Variants in IMMP2L observed in about 807,000 individuals in gnomAD.
IMMP2L encodes the protein mitochondrial inner membrane protease subunit 2.
In IMMP2L, 18 loss-of-function variants were observed where a neutral mutation model predicts 19.3. The observed-to-expected ratio is 0.93, with a 90% confidence interval of 0.64 to 1.38. The LOEUF (loss-of-function observed/expected upper bound fraction) is 1.38. IMMP2L is among the 40% of genes most tolerant of loss of function. The pLI is 0.00. For synonymous variants in IMMP2L, 76 were observed against 73.0 expected, an observed-to-expected ratio of 1.04 and a Z score of -0.21; for missense variants, 233 against 218.2, an observed-to-expected ratio of 1.07 and a Z score of -0.43.
chr7:111,048,498 T>C (rs186505120), intron 3 of IMMP2L, among the ~76,000 whole-genome samples: 4 of 152,128 alleles, frequency 2.6e-5, no homozygotes, highest in African/African-American at 9.6e-5. Flanking sequence ...TCTATTCTGT[T>C]TTCCCACTGA....
intron 3 of IMMP2L, among the ~76,000 whole-genome samples, chr7:111,380,931 A>G (rs1831140601): frequency 6.6e-6 from 1 of 151,294 alleles, no homozygotes; most frequent in East Asian, 1.9e-4. Context: ...TTCTAAGTGA[A>G]AAATATCAGG....
intron 5 of IMMP2L, among the ~76,000 whole-genome samples, chr7:110,830,979 C>T (rs531646257): frequency 6.4e-4 from 98 of 152,296 alleles, no homozygotes; most frequent in African/African-American, 2.2e-3. Context: ...GAACTGGCTG[C>T]TCTGGGTTTC....
intron 2 of IMMP2L, among the ~76,000 whole-genome samples, chr7:111,499,672 A>G (rs1034203735): frequency 7.9e-5 from 12 of 152,192 alleles, no homozygotes; most frequent in Admixed American, 2.0e-4. Flanking sequence ...ATCCAGCAGC[A>G]TGTGTTGTCA....
intron 3 of IMMP2L, among the ~76,000 whole-genome samples, chr7:111,418,950 C>T (rs1239458028): frequency 6.6e-6 from 1 of 151,668 alleles, no homozygotes; most frequent in African/African-American, 2.4e-5. Flanking sequence ...ATTAAGCCAT[C>T]CTTCAATAAA....
intron 3 of IMMP2L, among the ~76,000 whole-genome samples, chr7:111,423,042 C>A (rs1001265389): frequency 1.3e-5 from 2 of 151,822 alleles, no homozygotes; most frequent in East Asian, 3.9e-4. Context: ...ATATATTGAA[C>A]CAGCCTTGCA....
At chr7:111,091,177 A>G (rs1796821803) in intron 3 of IMMP2L, 3 of 152,292 alleles carry the variant, frequency 2.0e-5, no homozygotes, top group Non-Finnish European at 4.4e-5. Flanking sequence ...CCACCATGGA[A>G]ACAAGGAAAA....
At chr7:111,378,971 T>TAAGA (rs1167862723) in intron 3 of IMMP2L, among the ~76,000 whole-genome samples, 2 of 151,802 alleles carry the variant, frequency 1.3e-5, no homozygotes, top group Admixed American at 6.6e-5. Flanking sequence ...ATTTGAAACA[T>TAAGA]ATAATAACCA....
At chr7:110,890,015 C>A (rs946068075) in intron 4 of IMMP2L, among the ~76,000 whole-genome samples, 13 of 152,190 alleles carry the variant, frequency 8.5e-5, no homozygotes, top group African/African-American at 3.1e-4. Context: ...CTTCCTTTGT[C>A]CATTATTTTC....
rs193113025 is a variant in IMMP2L, at chr7:111,478,384, T to C, written c.239+8854A>G. The stretch of plus-strand genomic sequence containing the variant: ...ACCTTTTCATCACTTTAAAAAAATA[T>C]TGATCATAATTTTTTTCTGTTTTTG... On this transcript the variant is annotated intron_variant, in intron 3 of 5. Transcript: ENST00000405709. Among the ~76,000 whole-genome samples the C allele has an allele frequency of 1.9e-3, 285 of 152,216 alleles. 1 individual carries two copies. Among genetic ancestry groups the C allele is most frequent in the African/African-American group, 6.6e-3 (275 of 41,556 alleles).
intron 3 of IMMP2L, among the ~76,000 whole-genome samples, chr7:111,013,098 G>C (rs1192951216): frequency 6.6e-6 from 1 of 151,938 alleles, no homozygotes; most frequent in Non-Finnish European, 1.5e-5. Context: ...CAAGGAGAGA[G>C]GGCCTTAGAA....
chr7:110,907,566 A>C (rs1257178749), intron 4 of IMMP2L, among the ~76,000 whole-genome samples: 1 of 152,084 alleles, frequency 6.6e-6, no homozygotes. Context: ...ACAGGATGTA[A>C]GTTCTCACTT....
chr7:110,733,747 T>A (rs1373578989), intron 5 of IMMP2L, among the ~76,000 whole-genome samples: 2 of 152,080 alleles, frequency 1.3e-5, no homozygotes, highest in African/African-American at 4.8e-5. Flanking sequence ...AGGGGATTAG[T>A]GTACTTAGAA....
At chr7:111,035,796 C>G (rs1791283444) in intron 3 of IMMP2L, among the ~76,000 whole-genome samples, 1 of 152,040 alleles carries the variant, frequency 6.6e-6, no homozygotes, top group Non-Finnish European at 1.5e-5. Flanking sequence ...TATCTATATT[C>G]TTCAACAAAG....
At chr7:111,421,309 G>A (rs1159150876) in intron 3 of IMMP2L, among the ~76,000 whole-genome samples, 1 of 145,262 alleles carries the variant, frequency 6.9e-6, no homozygotes, top group Non-Finnish European at 1.5e-5. Flanking sequence ...TCGCTCTGTG[G>A]CCCAGGTGGG....
rs1483671953 is a variant in IMMP2L at position 111,174,564 on chromosome 7, T to C, written c.240-210999A>G. ...TATACAGCCTAAATCTTCTGGCCCT[T>C]GTTTGCTTATTCTTAAATTTCATGA... On this transcript the variant is annotated intron_variant, in intron 3 of 5. Coordinates refer to ENST00000405709, the MANE Select transcript of IMMP2L (RefSeq NM_032549.4). 4.6e-5 allele frequency among the ~76,000 whole-genome samples: 7 copies of C among 151,896 alleles called. No individual in the cohort carries two copies. The East Asian group carries it at 1.4e-3, about 29-fold the overall frequency.
chr7:110,670,495 G>T (rs1791821639), intron 5 of IMMP2L, among the ~76,000 whole-genome samples: 1 of 152,056 alleles, frequency 6.6e-6, no homozygotes, highest in Admixed American at 6.6e-5. Context: ...TTCGAGACCA[G>T]CCTGGCCAAC....
At chr7:111,554,774 T>C (rs1791072656) in intron 1 of IMMP2L, among the ~76,000 whole-genome samples, 1 of 152,002 alleles carries the variant, frequency 6.6e-6, no homozygotes, top group South Asian at 2.1e-4. Context: ...CCAGCATGCC[T>C]GACTAATTTT....
At chr7:110,713,920 C>A (rs772227449) in intron 5 of IMMP2L, among the ~76,000 whole-genome samples, 1 of 152,028 alleles carries the variant, frequency 6.6e-6, no homozygotes, top group Non-Finnish European at 1.5e-5. Flanking sequence ...ACTTTTATTT[C>A]TTTCTTTTGC....
chr7:111,551,865 A>C (rs1358449637), intron 1 of IMMP2L, among the ~76,000 whole-genome samples: 1 of 152,130 alleles, frequency 6.6e-6, no homozygotes, highest in East Asian at 1.9e-4. Flanking sequence ...TATAGCCCCT[A>C]CTACCTTAAG....
Sources: allele counts gnomAD v4.1 joint callset (sites outside exome capture counted in the v4.1 genomes callset), GRCh38; gene constraint gnomAD v4.1.1; transcripts MANE v1.5; gene names NCBI Gene and HGNC (gene_info 2026-07-23, HGNC 2026-07-21).